Variants in FBF1 observed in about 807,000 individuals in gnomAD.
The protein encoded by FBF1 is Fas binding factor 1.
FBF1 carries 119 observed loss-of-function variants against 147.2 expected under a neutral mutation model. The ratio of observed to expected loss-of-function variants is 0.81; its 90% CI spans 0.70 to 0.94. The LOEUF (loss-of-function observed/expected upper bound fraction) is 0.94, where lower values mean the gene tolerates loss of function less well. FBF1 is among the 40% of genes least tolerant of loss of function. The pLI, the probability that FBF1 is intolerant of heterozygous loss-of-function variation, is 0.00. For synonymous variants in FBF1, 601 were observed against 609.0 expected (o/e 0.99, Z 0.19); for missense variants, 1,449 against 1,500.8 (o/e 0.97, Z 0.57).
At chr17:75,934,577 G>A (rs1191556893) in intron 4 of FBF1, among the ~76,000 whole-genome samples, 2 of 146,708 alleles carry the variant, frequency 1.4e-5, no homozygotes, top group Non-Finnish European at 3.0e-5. Flanking sequence ...AAAAAAGCTA[G>A]ATGTAAAGGT....
Position 75,930,988 on chromosome 17 carries a change from G to A in FBF1, c.228+241C>T, listed in dbSNP as rs565683615. ...CAGGCACCTGTAAGCCCAGCTACTTGGGAGGCTGAGGCAGGAGAATTGCTT... is the reference window on the plus strand; with the variant it reads ...CAGGCACCTGTAAGCCCAGCTACTTAGGAGGCTGAGGCAGGAGAATTGCTT... On this transcript the variant is annotated intron_variant, in intron 6 of 29. Coordinates refer to ENST00000636174, the MANE Select transcript of FBF1 (RefSeq NM_001319193.2). Among the ~76,000 whole-genome samples the A allele has an allele frequency of 3.3e-5, 5 of 152,112 alleles. No homozygotes were observed. The East Asian group carries it at 7.7e-4, about 23-fold the overall frequency.
At chr17:75,926,516 T>A in intron 10 of FBF1, 90 bp from the exon 11 acceptor site, 1 of 1,455,114 alleles carries the variant, frequency 6.9e-7, no homozygotes, top group Non-Finnish European at 9.0e-7. Flanking sequence ...CTCTGCACCT[T>A]TGGGTAGGAC....
In FBF1 at chr17:75,925,317, G is replaced by A. The variant is rs1047041160; in HGVS notation, c.968+30C>T. The A allele has an allele frequency of 3.2e-6, 5 of 1,586,182 alleles. No individual in the cohort carries two copies. The highest frequency in any genetic ancestry group is 1.3e-5 in the African/African-American group (1 of 74,088). On this transcript the variant is annotated intron_variant, in intron 13 of 29. Transcript: ENST00000636174. The surrounding 1 kb of genome is among the most constrained non-coding windows in gnomAD (Gnocchi z 5.0). Reference sequence around the variant, plus strand: ...CTTCCCAGTGGCCGACCTGTCTCAAGAGGCCAAGCCTCCTGCAGGCCCCAC... The same window carrying A: ...CTTCCCAGTGGCCGACCTGTCTCAAAAGGCCAAGCCTCCTGCAGGCCCCAC...
Position 75,913,709 on chromosome 17 carries a change from G to A in FBF1, c.3240C>T (p.Ser1080=). ...CCTTCTGGAGCCACTCACCACTCTG[G>A]CTGGAGGCTGCAGGGCCCTGGGCCC... is the stretch of plus-strand genomic sequence containing the variant. The part of the protein sequence containing the change: ...FPRAQGPAAS[S]QSALMPPAPT... The change falls in exon 28 of 30, where the codon AGC becomes AGT. Residue 1080 remains serine, a synonymous_variant. Transcript: ENST00000636174. 1 of 1,594,474 alleles carries A rather than the reference G, an allele frequency of 6.3e-7. No individual in the cohort carries two copies. Among genetic ancestry groups the A allele is most frequent in the Non-Finnish European group, 8.5e-7 (1 of 1,177,534 alleles).
At position 75,914,056 on chromosome 17, in the gene FBF1, G is replaced by A. The variant is rs751033795; in HGVS notation, c.2992-6C>T. 1.3e-6 allele frequency: 2 copies of A among 1,591,660 alleles called. No homozygotes were observed. Among genetic ancestry groups the A allele is most frequent in the Non-Finnish European group, 8.5e-7 (1 of 1,175,648 alleles). ...TCGTACTTCTCGGAGGCCACCTGCA[G>A]GGAGGCCGCCTGGGTCAGGGCTGCC... On this transcript the variant is annotated splice_polypyrimidine_tract_variant and splice_region_variant and intron_variant, in intron 26 of 29. Coordinates refer to ENST00000636174, the MANE Select transcript of FBF1 (RefSeq NM_001319193.2).
chr17:75,936,309 G>A (rs865929027), intron 3 of FBF1, among the ~76,000 whole-genome samples: 35 of 151,422 alleles, frequency 2.3e-4, no homozygotes, highest in African/African-American at 7.8e-4. Flanking sequence ...GCGATACGCC[G>A]TCTCAAAAAA....
At chr17:75,915,780 G>A (rs377312929) in intron 23 of FBF1, among the ~76,000 whole-genome samples, 7 of 152,100 alleles carry the variant, frequency 4.6e-5, no homozygotes, top group South Asian at 4.1e-4. Context: ...AGGCTGAGAC[G>A]GGTGGATCAC....
intron 7 of FBF1, 38 bp downstream of exon 7, chr17:75,929,959 A>ACCC: frequency 8.8e-6 from 2 of 226,482 alleles, no homozygotes; most frequent in Non-Finnish European, 1.8e-5. Flanking sequence ...CACCCCACCC[A>ACCC]CCCCCAGTTC....
intron 23 of FBF1, among the ~76,000 whole-genome samples, chr17:75,916,470 A>G (rs577897395): frequency 2.0e-5 from 3 of 152,232 alleles, no homozygotes; most frequent in South Asian, 4.1e-4. Context: ...AAAATACACA[A>G]TTAGCTGGGT....
At position 75,923,340 on chromosome 17, in the gene FBF1, C is replaced by T. The variant is rs979423807; in HGVS notation, c.1270G>A (p.Ala424Thr). The change falls in exon 14 of 30, where the codon GCT (alanine) becomes ACT (threonine). Residue 424 changes from alanine (A) to threonine (T), a missense_variant. Ala to Thr is a moderately conservative substitution (Grantham distance 58). Transcript: ENST00000636174. This position sits in a 1 kb window ranked among gnomAD's most constrained non-coding sequence, Gnocchi z 4.1. The part of the protein sequence containing the change: ...GAGSPAKASQ[A>T]SKLRASKEEK... ...TCCTTGGAGGCTCGCAGCTTGGAAG[C>T]CTGGCTGGCTTTGGCAGGGGACCCT... 11 of 1,603,252 alleles carry T rather than the reference C, an allele frequency of 6.9e-6. No homozygotes were observed. The highest frequency in any genetic ancestry group is 9.4e-6 in the Non-Finnish European group (11 of 1,175,400).
Position 75,918,230 on chromosome 17 carries a change from C to G in FBF1, c.2178G>C (p.Gln726His). The change falls in exon 21 of 30, where the codon CAG (glutamine) becomes CAC (histidine). Residue 726 changes from glutamine (Q) to histidine (H), a missense_variant. By Grantham distance (24) the Gln-to-His change is conservative. Transcript: ENST00000636174. This position sits in a 1 kb window ranked among gnomAD's most constrained non-coding sequence, Gnocchi z 5.8. The stretch of plus-strand genomic sequence containing the variant: ...CCTTCAGCAGCTTTAGCCGCTGCAG[C>G]TGCTCCTCGTGGTCTCTGCGCATGT... ...ILDMRRDHEE[Q>H]LQRLKLLKDR... The G allele has an allele frequency of 6.2e-7, 1 of 1,613,510 alleles. No individual in the cohort carries two copies. Among genetic ancestry groups the G allele is most frequent in the Non-Finnish European group, 8.5e-7 (1 of 1,179,860 alleles).
chr17:75,914,782 T>G lies in FBF1; in HGVS notation c.2779A>C (p.Thr927Pro). 1 of 1,593,864 alleles carries G rather than the reference T, an allele frequency of 6.3e-7. No homozygotes were observed. Among genetic ancestry groups the G allele is most frequent in the Non-Finnish European group, 8.5e-7 (1 of 1,171,312 alleles). ...REAERALQVD[T>P]QREGTLISLA... The stretch of plus-strand genomic sequence containing the variant: ...CTGATGAGGGTGCCCTCCCGCTGGG[T>G]GTCCACCTGCAATGCCCGCTCGGCC... Residue 927 changes from threonine (T) to proline (P), a missense_variant, in exon 25 of 30, where the codon ACC becomes CCC. Thr to Pro is a conservative substitution (Grantham distance 38). Transcript: ENST00000636174.
At chr17:75,929,964 C>CCCCCCTTA in intron 7 of FBF1, 33 bp downstream of exon 7, 1 of 1,402,200 alleles carries the variant, frequency 7.1e-7, no homozygotes, top group Non-Finnish European at 9.9e-7. Context: ...CACCCACCCC[C>CCCCCCTTA]AGTTCTAAGA....
intron 5 of FBF1, among the ~76,000 whole-genome samples, chr17:75,932,358 G>C (rs750628367): frequency 6.6e-6 from 1 of 151,854 alleles, no homozygotes; most frequent in Non-Finnish European, 1.5e-5. Context: ...CTGGGTGACA[G>C]AGTGAGACTC....
At chr17:75,917,673 GC>G in intron 23 of FBF1, 58 bp downstream of exon 23, 2 of 1,452,902 alleles carry the variant, frequency 1.4e-6, no homozygotes. Flanking sequence ...ACTTGCGGGT[GC>G]CCTGGAGAAG....
At position 75,918,652 on chromosome 17, in the gene FBF1, G is replaced by A. The variant is rs112968193; in HGVS notation, c.2139-383C>T. 0.032 allele frequency among the ~76,000 whole-genome samples: 4,848 copies of A among 151,800 alleles called. 258 individuals carry two copies. The highest frequency in any genetic ancestry group is 0.11 in the African/African-American group (4,496 of 41,376). On this transcript the variant is annotated intron_variant, in intron 20 of 29. Coordinates refer to ENST00000636174, the MANE Select transcript of FBF1 (RefSeq NM_001319193.2). This position sits in a 1 kb window ranked among gnomAD's most constrained non-coding sequence, Gnocchi z 5.8. Reference sequence around the variant, plus strand: ...GGCTGGGACTATAGGCGCTCACCACGCCTAATTTTTTATATTTTAGTAGAG... The same window carrying A: ...GGCTGGGACTATAGGCGCTCACCACACCTAATTTTTTATATTTTAGTAGAG...
At chr17:75,916,566 C>T (rs1317599437) in intron 23 of FBF1, among the ~76,000 whole-genome samples, 4 of 152,154 alleles carry the variant, frequency 2.6e-5, no homozygotes, top group Non-Finnish European at 5.9e-5. Context: ...CTGCAGTGAG[C>T]TATGATCACA....
intron 1 of FBF1, among the ~76,000 whole-genome samples, chr17:75,940,149 G>A (rs2065652946): frequency 6.6e-6 from 1 of 151,476 alleles, no homozygotes; most frequent in Admixed American, 6.6e-5. Flanking sequence ...TTTCACTGTT[G>A]GCCAGGAGGT....
intron 7 of FBF1, 33 bp downstream of exon 7, chr17:75,929,964 C>CCCCCCTTTAAAAA: frequency 7.1e-7 from 1 of 1,402,200 alleles, no homozygotes; most frequent in South Asian, 1.2e-5. Context: ...CACCCACCCC[C>CCCCCCTTTAAAAA]AGTTCTAAGA....
Sources: gnomAD v4.1 joint callset for allele counts (sites outside exome capture counted in the v4.1 genomes callset) on GRCh38, gnomAD v4.1.1 for gene constraint, Gnocchi (gnomAD v3.1) non-coding constraint, MANE v1.5 for transcripts, NCBI Gene and HGNC (gene_info 2026-07-23, HGNC 2026-07-21) for gene names.